DPF3: variants seen among roughly 807,000 people sequenced by gnomAD.
DPF3 encodes double PHD fingers 3, also known as zinc finger protein DPF3.
Under a neutral mutation model 56.8 loss-of-function variants are expected in DPF3, and 18 were observed. The observed-to-expected ratio is 0.32, with a 90% CI of 0.22 to 0.47. The LOEUF is 0.47. Ranked by LOEUF, DPF3 falls within the 20% of genes least tolerant of loss-of-function variation. DPF3 has a pLI of 1.00. For missense variants in DPF3, 403 were observed against 488.8 expected (o/e 0.82, Z 1.65); for synonymous variants, 188 against 180.2 (o/e 1.04, Z -0.35).
At position 72,735,314 on chromosome 14, in the gene DPF3, C is replaced by T. The variant is rs113432661; in HGVS notation, c.302-3380G>A. Reference sequence around the variant, plus strand: ...TCCCCGTGCAATGTTCACCATTCTGCGACAGTATCTACCCACTATAGAATG... The same window carrying T: ...TCCCCGTGCAATGTTCACCATTCTGTGACAGTATCTACCCACTATAGAATG... On this transcript the variant is annotated intron_variant, in intron 3 of 10. Coordinates refer to ENST00000556509, the MANE Select transcript of DPF3 (RefSeq NM_001280542.3). 7.2e-5 allele frequency among the ~76,000 whole-genome samples: 11 copies of T among 152,238 alleles called. No homozygotes were observed. The South Asian group carries it at 1.9e-3, about 26-fold the overall frequency.
chr14:72,684,635 G>C (rs1887326438), intron 7 of DPF3, among the ~76,000 whole-genome samples: 1 of 151,806 alleles, frequency 6.6e-6, no homozygotes, highest in South Asian at 2.1e-4. Flanking sequence ...TTTTTCTGTA[G>C]GAAAAAAACT....
chr14:72,625,396 T>A (rs1356202838), intron 9 of DPF3, among the ~76,000 whole-genome samples: 3 of 152,222 alleles, frequency 2.0e-5, no homozygotes, highest in African/African-American at 7.2e-5. Flanking sequence ...TCAAGTTGCT[T>A]CCTGTGTCCT....
In DPF3 at chr14:72,619,241, A is replaced by G; in HGVS notation, c.*56T>C. 1 of 1,519,848 alleles carries G rather than the reference A, an allele frequency of 6.6e-7. No individual in the cohort carries two copies. The highest frequency in any genetic ancestry group is 8.8e-7 in the Non-Finnish European group (1 of 1,134,150). The allele number at this position is 1,519,848 out of a possible 1,614,324, so 94.1% of individuals were successfully genotyped here. ...TGGGAGGAGGGCGCGTTCTGGTTTG[A>G]ACTGGGCTCTGCTTTAGGATCTCCA... On this transcript the variant is annotated 3_prime_UTR_variant, in exon 11 of 11. Transcript: ENST00000556509.
chr14:72,891,950 A>C (rs559475572), intron 1 of DPF3, among the ~76,000 whole-genome samples: 16 of 152,190 alleles, frequency 1.1e-4, no homozygotes, highest in Non-Finnish European at 1.8e-4. Flanking sequence ...GAATTCCGCC[A>C]CCTTCTTTCC....
At chr14:72,659,549 C>T (rs1291299695) in intron 8 of DPF3, among the ~76,000 whole-genome samples, 4 of 152,198 alleles carry the variant, frequency 2.6e-5, no homozygotes, top group Non-Finnish European at 5.9e-5. Flanking sequence ...CCTCTCATCC[C>T]TGTGAGCAGC....
intron 1 of DPF3, among the ~76,000 whole-genome samples, chr14:72,774,757 G>A (rs559398417): frequency 1.8e-4 from 27 of 152,160 alleles, no homozygotes; most frequent in South Asian, 4.1e-4. Flanking sequence ...TAATCAAATT[G>A]TAATAGTCAC....
chr14:72,859,076 C>G (rs1279734442), intron 1 of DPF3, among the ~76,000 whole-genome samples: 1 of 152,018 alleles, frequency 6.6e-6, no homozygotes. Context: ...GACTAGGTTT[C>G]CAGAAAGAAT....
rs75539109 is a variant in DPF3 at position 72,795,562 on chromosome 14, G to A, written c.33-23669C>T. 5.1e-3 allele frequency among the ~76,000 whole-genome samples: 778 copies of A among 152,164 alleles called. 8 individuals carry two copies. Among genetic ancestry groups the A allele is most frequent in the African/African-American group, 0.018 (744 of 41,502 alleles). On this transcript the variant is annotated intron_variant, in intron 1 of 10. Coordinates refer to ENST00000556509, the MANE Select transcript of DPF3 (RefSeq NM_001280542.3). ...GTAAATGGCAACTAAGAAATTGCTCGGTACTGTTATTCTATTAGTTTGGTT... is the reference window on the plus strand; with the variant it reads ...GTAAATGGCAACTAAGAAATTGCTCAGTACTGTTATTCTATTAGTTTGGTT...
intron 1 of DPF3, among the ~76,000 whole-genome samples, chr14:72,882,253 A>C (rs1050929512): frequency 3.3e-5 from 5 of 152,212 alleles, no homozygotes; most frequent in African/African-American, 1.2e-4. Context: ...CAAAACTAAA[A>C]GGTCAGCAGA....
intron 1 of DPF3, among the ~76,000 whole-genome samples, chr14:72,860,392 C>T (rs952714616): frequency 2.6e-5 from 4 of 151,958 alleles, no homozygotes; most frequent in African/African-American, 9.7e-5. Context: ...ACTATGTTGC[C>T]GAGGCTATGC....
chr14:72,789,248 C>A (rs1403537481), intron 1 of DPF3, among the ~76,000 whole-genome samples: 1 of 152,140 alleles, frequency 6.6e-6, no homozygotes, highest in Non-Finnish European at 1.5e-5. Flanking sequence ...GAAACAGGAA[C>A]CACATTTCAT....
intron 1 of DPF3, chr14:72,807,008 T>C (rs1455705389): frequency 6.6e-6 from 1 of 152,238 alleles, no homozygotes; most frequent in African/African-American, 2.4e-5. Flanking sequence ...CCTGGGTTTA[T>C]TTCTAGCATG....
chr14:72,687,313 A>AT (rs1052709363), intron 7 of DPF3, among the ~76,000 whole-genome samples: 2 of 152,158 alleles, frequency 1.3e-5, no homozygotes, highest in Non-Finnish European at 2.9e-5. Context: ...ATAGACTCAT[A>AT]TTTTTTTAAA....
At chr14:72,626,402 G>C (rs1306500303) in intron 9 of DPF3, among the ~76,000 whole-genome samples, 1 of 151,930 alleles carries the variant, frequency 6.6e-6, no homozygotes, top group Non-Finnish European at 1.5e-5. Context: ...GTTTTCTTAT[G>C]TCTCTTTTTT....
At chr14:72,639,923 G>A (rs1362009476) in intron 8 of DPF3, among the ~76,000 whole-genome samples, 1 of 151,726 alleles carries the variant, frequency 6.6e-6, no homozygotes, top group African/African-American at 2.4e-5. Flanking sequence ...GCCATAATAG[G>A]AGAATGAATG....
intron 6 of DPF3, among the ~76,000 whole-genome samples, chr14:72,693,519 C>T (rs920884369): frequency 2.0e-5 from 3 of 152,176 alleles, no homozygotes; most frequent in South Asian, 2.1e-4. Flanking sequence ...CAGTTTCTTC[C>T]GAGATAAAAT....
chr14:72,718,960 C>T (rs967470120), intron 5 of DPF3, among the ~76,000 whole-genome samples: 6 of 151,300 alleles, frequency 4.0e-5, no homozygotes, highest in Non-Finnish European at 8.8e-5. Context: ...TTAGTAGAGA[C>T]GGGGTTTCAC....
intron 7 of DPF3, among the ~76,000 whole-genome samples, chr14:72,681,081 C>T (rs570690519): frequency 2.6e-5 from 4 of 152,298 alleles, no homozygotes; most frequent in East Asian, 1.9e-4. Context: ...TCCTTCACTG[C>T]GGTATCCCTG....
intron 1 of DPF3, chr14:72,836,092 C>T (rs931769770): frequency 7.4e-5 from 73 of 985,452 alleles, no homozygotes; most frequent in Non-Finnish European, 8.7e-5. Context: ...ACATGGCCTC[C>T]AGGTCTGCTG....
Sources: gnomAD v4.1 joint callset for allele counts (sites outside exome capture counted in the v4.1 genomes callset) on GRCh38, gnomAD v4.1.1 for gene constraint, MANE v1.5 for transcripts, NCBI Gene and HGNC (gene_info 2026-07-23, HGNC 2026-07-21) for gene names.